UBR3: variants seen among roughly 807,000 people sequenced by gnomAD.
UBR3 encodes ubiquitin protein ligase E3 component n-recognin 3.
UBR3 carries 85 observed loss-of-function variants against 243.2 expected under a neutral mutation model. The ratio of observed to expected loss-of-function variants is 0.35; its 90% CI spans 0.29 to 0.42. UBR3 has a LOEUF of 0.42. UBR3 is among the 10% of genes least tolerant of loss of function. The probability of loss-of-function intolerance (pLI) is 1.00; values close to 1 mark genes in which losing one functional copy is unlikely to be tolerated. For missense variants in UBR3, 1,686 were observed against 2,300.8 expected, an observed-to-expected ratio of 0.73 and a Z score of 5.47; for synonymous variants, 748 against 799.8, an observed-to-expected ratio of 0.94 and a Z score of 1.09.
intron 18 of UBR3, 119 bp from the exon 19 acceptor site, chr2:169,932,793 T>A (rs1487709428): frequency 6.0e-6 from 5 of 837,686 alleles, no homozygotes; most frequent in Non-Finnish European, 9.1e-6. Flanking sequence ...GCAAATACTA[T>A]AATCAGATTA....
intron 6 of UBR3, among the ~76,000 whole-genome samples, chr2:169,892,399 G>A (rs776161663): frequency 2.6e-5 from 4 of 152,126 alleles, no homozygotes; most frequent in Non-Finnish European, 5.9e-5. Context: ...TACCTGCTGT[G>A]GTGTAAGAGG....
intron 23 of UBR3, among the ~76,000 whole-genome samples, chr2:169,950,501 T>C (rs960934185): frequency 6.6e-6 from 1 of 152,110 alleles, no homozygotes; most frequent in African/African-American, 2.4e-5. Flanking sequence ...TTTTAAAAAG[T>C]GATGTTTTAA....
intron 23 of UBR3, among the ~76,000 whole-genome samples, chr2:169,957,337 A>G (rs1269176292): frequency 6.6e-6 from 1 of 151,716 alleles, no homozygotes; most frequent in Non-Finnish European, 1.5e-5. Context: ...GATAGACTGG[A>G]TTAAGAAAAT....
chr2:170,060,058 C>T (rs1413572807), intron 33 of UBR3, among the ~76,000 whole-genome samples: 1 of 152,112 alleles, frequency 6.6e-6, no homozygotes, highest in Non-Finnish European at 1.5e-5. Context: ...ATAATAAATT[C>T]TCTGATCCAA....
At chr2:169,855,361 T>G (rs147813188) in intron 1 of UBR3, among the ~76,000 whole-genome samples, 181 of 152,294 alleles carry the variant, frequency 1.2e-3, no homozygotes, top group African/African-American at 4.0e-3. Flanking sequence ...TTTATTTTTT[T>G]TAGTATTTAT....
At chr2:169,942,026 GC>G (rs1425899193) in intron 19 of UBR3, among the ~76,000 whole-genome samples, 1 of 152,184 alleles carries the variant, frequency 6.6e-6, no homozygotes, top group East Asian at 1.9e-4. Context: ...CAGTGTTAGT[GC>G]TTGTCATTAA....
At chr2:169,932,095 G>A (rs1451441763) in intron 18 of UBR3, among the ~76,000 whole-genome samples, 2 of 145,660 alleles carry the variant, frequency 1.4e-5, no homozygotes, top group Non-Finnish European at 3.0e-5. Context: ...TTTTTTTCTT[G>A]GAGACTGAGT....
At chr2:170,070,943 C>T (rs759170331) in intron 35 of UBR3, among the ~76,000 whole-genome samples, 47 of 152,212 alleles carry the variant, frequency 3.1e-4, no homozygotes, top group Non-Finnish European at 5.9e-4. Context: ...AAAAACCCAA[C>T]ACAAAAGTGG....
chr2:170,016,430 G>T (rs1202524914), intron 30 of UBR3, among the ~76,000 whole-genome samples: 1 of 151,512 alleles, frequency 6.6e-6, no homozygotes, highest in Non-Finnish European at 1.5e-5. Context: ...ACCCCTTTAT[G>T]CATTCATCTA....
At chr2:169,963,123 C>T (rs570436819) in intron 24 of UBR3, among the ~76,000 whole-genome samples, 8 of 152,194 alleles carry the variant, frequency 5.3e-5, no homozygotes, top group Non-Finnish European at 7.4e-5. Context: ...GTGGATGATC[C>T]GTTTTTTCTG....
rs765450195 is a variant in UBR3, at chr2:169,877,592, G to C, written c.943G>C (p.Gly315Arg). Reference protein sequence around the residue: ...LTYPEDKLVYGVQEPSAGTSS... With the variant: ...LTYPEDKLVYRVQEPSAGTSS... ...ATATCCTGAGGATAAGCTTGTATAT[G>C]GTGTGCAGGAGCCATCTGCTGGTAC... The change falls in exon 4 of 39, where the codon GGT (glycine) becomes CGT (arginine). Residue 315 changes from glycine (G) to arginine (R), a missense_variant. Transcript: ENST00000272793. 1 of 1,549,298 alleles carries C rather than the reference G, an allele frequency of 6.5e-7. No individual in the cohort carries two copies. The highest frequency in any genetic ancestry group is 1.4e-5 in the African/African-American group (1 of 72,876).
chr2:170,065,256 A>G (rs2091537054), intron 35 of UBR3, among the ~76,000 whole-genome samples: 1 of 151,996 alleles, frequency 6.6e-6, no homozygotes. Context: ...AACGTGGTTT[A>G]TACATTCATT....
chr2:169,856,205 C>G (rs1238809790), intron 1 of UBR3, among the ~76,000 whole-genome samples: 2 of 151,404 alleles, frequency 1.3e-5, no homozygotes, highest in African/African-American at 2.4e-5. Context: ...GGGTCGCGGC[C>G]GGGCAGAGGC....
chr2:169,908,559 T>C (rs1559082635), intron 10 of UBR3, among the ~76,000 whole-genome samples: 1 of 152,204 alleles, frequency 6.6e-6, no homozygotes, highest in Non-Finnish European at 1.5e-5. Context: ...GATATGGTTC[T>C]TGCTCTCATA....
At position 169,949,751 on chromosome 2, in the gene UBR3, G is replaced by A; in HGVS notation, c.3231G>A (p.Gln1077=). The change falls in exon 23 of 39, where the codon CAG becomes CAA. Residue 1077 remains glutamine (Q), a synonymous_variant. Coordinates refer to ENST00000272793, the MANE Select transcript of UBR3 (RefSeq NM_172070.4). ...SKWSAPGSAP[Q]LTTAILEIKE... ...GGTCTGCTCCTGGTTCAGCTCCACA[G>A]TTAACTACAGCCATTTTGGAAATTA... The A allele has an allele frequency of 6.4e-7, 1 of 1,551,618 alleles. No individual in the cohort carries two copies. Among genetic ancestry groups the A allele is most frequent in the Non-Finnish European group, 8.7e-7 (1 of 1,146,784 alleles).
intron 17 of UBR3, among the ~76,000 whole-genome samples, chr2:169,927,859 A>AT (rs2085968936): frequency 6.6e-6 from 1 of 152,186 alleles, no homozygotes; most frequent in Non-Finnish European, 1.5e-5. Flanking sequence ...GGATTTTTGA[A>AT]TTTATAGATT....
At chr2:170,044,642 G>C (rs1407488211) in intron 32 of UBR3, among the ~76,000 whole-genome samples, 4 of 152,126 alleles carry the variant, frequency 2.6e-5, no homozygotes, top group African/African-American at 7.2e-5. Context: ...ATAATATAAA[G>C]AAGAAACCAA....
intron 1 of UBR3, among the ~76,000 whole-genome samples, chr2:169,831,127 A>ATATATATATATATATATATT (rs1450878762): frequency 1.8e-5 from 1 of 56,478 alleles, no homozygotes; most frequent in Non-Finnish European, 2.8e-5. Flanking sequence ...ATATATATAT[A>ATATATATATATATATATATT]TTTTTTTTTT....
chr2:169,963,008 T>C (rs2087648915), intron 24 of UBR3, among the ~76,000 whole-genome samples: 1 of 152,166 alleles, frequency 6.6e-6, no homozygotes, highest in African/African-American at 2.4e-5. Flanking sequence ...GGCTGACTGC[T>C]CTAGGTCAGA....
Sources: gnomAD v4.1 joint callset for allele counts (sites outside exome capture counted in the v4.1 genomes callset) on GRCh38, gnomAD v4.1.1 for gene constraint, MANE v1.5 for transcripts, NCBI Gene and HGNC (gene_info 2026-07-23, HGNC 2026-07-21) for gene names.